Variants in NWD2 observed in about 807,000 individuals in gnomAD.
The protein encoded by NWD2 is NACHT and WD repeat domain-containing protein 2.
Under a neutral mutation model 132.7 loss-of-function variants are expected in NWD2, and 37 were observed. The observed-to-expected ratio is 0.28, with a 90% CI of 0.21 to 0.37. NWD2 has a LOEUF of 0.37. Among genes scored for constraint, NWD2 ranks in the 10% least tolerant of loss-of-function variants. NWD2 has a pLI of 1.00. For synonymous variants in NWD2, 705 were observed against 803.0 expected (o/e 0.88, Z 2.06); for missense variants, 1,592 against 2,122.4 (o/e 0.75, Z 4.91).
At chr4:37,438,757 T>A (rs1481971684) in intron 5 of NWD2, 44 bp from the exon 6 acceptor site, 1 of 1,340,002 alleles carries the variant, frequency 7.5e-7, no homozygotes, top group Non-Finnish European at 1.0e-6. Flanking sequence ...GGTGTGTTGC[T>A]CCTTTGTTCT....
intron 1 of NWD2, among the ~76,000 whole-genome samples, chr4:37,266,759 TGCTGACATACTGA>T (rs1438216151): frequency 1.3e-5 from 2 of 152,056 alleles, no homozygotes; most frequent in Non-Finnish European, 2.9e-5. Context: ...CTGTTTTTCT[TGCTGACATACTGA>T]GTTCTTAAAG....
intron 1 of NWD2, among the ~76,000 whole-genome samples, chr4:37,303,581 T>C (rs1034649717): frequency 6.8e-6 from 1 of 146,004 alleles, no homozygotes. Flanking sequence ...AAAAACGTGA[T>C]TTTTTTTCAT....
At position 37,444,693 on chromosome 4, in the gene NWD2, A is replaced by G; in HGVS notation, c.2705A>G (p.Lys902Arg). 1 of 1,552,186 alleles carries G rather than the reference A, an allele frequency of 6.4e-7. No homozygotes were observed. Among genetic ancestry groups the G allele is most frequent in the Non-Finnish European group, 8.7e-7 (1 of 1,147,094 alleles). The change falls in exon 7 of 7, where the codon AAG becomes AGG. Residue 902 changes from lysine (K) to arginine (R), a missense_variant. By Grantham distance (26) the Lys-to-Arg change is conservative. Transcript: ENST00000309447. This position sits in a 1 kb window ranked among gnomAD's most constrained non-coding sequence, Gnocchi z 4.8. ...AACACCCTCCGCAGCATCAAAAACA[A>G]GGTCACTGCATTTCCCGGCTCCCTT... The part of the protein sequence containing the change: ...LANTLRSIKN[K>R]VTAFPGSLSA...
At chr4:37,245,330 A>AG in intron 1 of NWD2, 112 bp downstream of exon 1, 4 of 1,283,952 alleles carry the variant, frequency 3.1e-6, no homozygotes, top group Non-Finnish European at 4.1e-6. Flanking sequence ...CCCTTCCTCC[A>AG]GCTAAAGCCG....
At position 37,447,656 on chromosome 4, in the gene NWD2, T is replaced by A. The variant is rs972468357; in HGVS notation, c.*439T>A. On this transcript the variant is annotated 3_prime_UTR_variant, in exon 7 of 7. Transcript: ENST00000309447. Reference sequence around the variant, plus strand: ...GATAAGTAAACACAGCCTTAATCTCTCTTTACATTTTACAGTCCTGACAAC... The same window carrying A: ...GATAAGTAAACACAGCCTTAATCTCACTTTACATTTTACAGTCCTGACAAC... 1.6e-5 allele frequency: 3 copies of A among 182,800 alleles called. No individual in the cohort carries two copies. The highest frequency in any genetic ancestry group is 7.1e-5 in the African/African-American group (3 of 42,272). 11.3% of individuals were successfully genotyped at this position (182,800 alleles called of 1,614,324 possible).
chr4:37,300,586 T>C (rs1718593825), intron 1 of NWD2, among the ~76,000 whole-genome samples: 1 of 152,152 alleles, frequency 6.6e-6, no homozygotes, highest in African/African-American at 2.4e-5. Flanking sequence ...TATTTACTTA[T>C]ATATTATTTT....
chr4:37,318,222 T>A (rs1718998120), intron 1 of NWD2, among the ~76,000 whole-genome samples: 1 of 151,988 alleles, frequency 6.6e-6, no homozygotes, highest in African/African-American at 2.4e-5. Flanking sequence ...AGATGGGGTT[T>A]CACCATGTTG....
chr4:37,379,541 C>T (rs1044945338), intron 3 of NWD2, among the ~76,000 whole-genome samples: 1 of 152,062 alleles, frequency 6.6e-6, no homozygotes, highest in Non-Finnish European at 1.5e-5. Context: ...CCTCTAAATA[C>T]CTCCAGGAGG....
chr4:37,388,539 TTAAG>T (rs1391886234), intron 3 of NWD2, among the ~76,000 whole-genome samples: 2 of 151,908 alleles, frequency 1.3e-5, no homozygotes, highest in Non-Finnish European at 2.9e-5. Flanking sequence ...ACTGACTTCT[TTAAG>T]TGAGTTTTAC....
chr4:37,415,915 G>C (rs1207828774), intron 3 of NWD2, among the ~76,000 whole-genome samples: 1 of 152,126 alleles, frequency 6.6e-6, no homozygotes, highest in African/African-American at 2.4e-5. Flanking sequence ...ATGATGCACA[G>C]GCCAACCTTC....
chr4:37,280,169 C>T (rs1718100695), intron 1 of NWD2, among the ~76,000 whole-genome samples: 1 of 152,132 alleles, frequency 6.6e-6, no homozygotes, highest in Non-Finnish European at 1.5e-5. Context: ...GAGTTAAGTT[C>T]CTATGACATA....
intron 1 of NWD2, among the ~76,000 whole-genome samples, chr4:37,303,835 T>C (rs1718654422): frequency 1.3e-5 from 2 of 150,816 alleles, no homozygotes; most frequent in Non-Finnish European, 1.5e-5. Context: ...TTTAATAGAG[T>C]TTTTTGTCTT....
intron 4 of NWD2, among the ~76,000 whole-genome samples, chr4:37,432,769 T>C (rs1467496359): frequency 6.6e-6 from 1 of 152,238 alleles, no homozygotes; most frequent in East Asian, 1.9e-4. Context: ...GATTCATGCT[T>C]GAGCATCATG....
intron 5 of NWD2, among the ~76,000 whole-genome samples, chr4:37,438,125 G>A (rs889579446): frequency 6.6e-6 from 1 of 152,094 alleles, no homozygotes; most frequent in African/African-American, 2.4e-5. Flanking sequence ...GCCGGGCATG[G>A]TGGCGGGTGC....
chr4:37,256,438 C>G (rs1717520238), intron 1 of NWD2, among the ~76,000 whole-genome samples: 1 of 152,140 alleles, frequency 6.6e-6, no homozygotes, highest in African/African-American at 2.4e-5. Context: ...ACTGAAAAAT[C>G]TACTTACATG....
At chr4:37,364,415 G>T (rs1386873886) in intron 3 of NWD2, among the ~76,000 whole-genome samples, 1 of 152,094 alleles carries the variant, frequency 6.6e-6, no homozygotes, top group Non-Finnish European at 1.5e-5. Context: ...ATGGAGGCAG[G>T]TAAGAGGTTC....
At chr4:37,371,283 C>T (rs1379781003) in intron 3 of NWD2, among the ~76,000 whole-genome samples, 1 of 151,816 alleles carries the variant, frequency 6.6e-6, no homozygotes, top group Non-Finnish European at 1.5e-5. Context: ...ACCATGTTGG[C>T]CAGGCTGGTC....
Position 37,251,837 on chromosome 4 carries a change from C to CA in NWD2, c.151+6620dup, listed in dbSNP as rs35599372. Among the ~76,000 whole-genome samples, 917 of 152,270 alleles carry CA rather than the reference C, an allele frequency of 6.0e-3. 7 individuals carry two copies. Among genetic ancestry groups the CA allele is most frequent in the African/African-American group, 0.021 (880 of 41,534 alleles). On this transcript the variant is annotated intron_variant, in intron 1 of 6. Coordinates refer to ENST00000309447, the MANE Select transcript of NWD2 (RefSeq NM_001144990.2). The stretch of plus-strand genomic sequence containing the variant: ...GTATCTAGCCAGGGGGAAGCAGATG[C>CA]ATTCACTCACTCAAGCAGTAAATAT...
At chr4:37,335,096 C>T (rs1719373400) in intron 2 of NWD2, among the ~76,000 whole-genome samples, 1 of 152,052 alleles carries the variant, frequency 6.6e-6, no homozygotes, top group Admixed American at 6.5e-5. Context: ...ACCAATCTGA[C>T]CCTTGTCCAC....
Sources: allele counts gnomAD v4.1 joint callset (sites outside exome capture counted in the v4.1 genomes callset), GRCh38; gene constraint gnomAD v4.1.1; non-coding constraint Gnocchi (gnomAD v3.1); transcripts MANE v1.5; gene names NCBI Gene and HGNC (gene_info 2026-07-23, HGNC 2026-07-21).